The following NTM variants were observed in gnomAD, a reference collection of about 807,000 sequenced individuals.
NTM encodes neurotrimin, also known as IgLON family member 2.
NTM carries 13 observed loss-of-function variants against 42.1 expected under a neutral mutation model. The ratio of observed to expected loss-of-function variants is 0.31; its 90% CI spans 0.20 to 0.49. The LOEUF (loss-of-function observed/expected upper bound fraction) is 0.49, where lower values mean the gene tolerates loss of function less well. Among genes scored for constraint, NTM ranks in the 20% least tolerant of loss-of-function variants. The pLI is 0.99. For synonymous variants in NTM, 187 were observed against 179.2 expected, an observed-to-expected ratio of 1.04 and a Z score of -0.35; for missense variants, 373 against 452.8, an observed-to-expected ratio of 0.82 and a Z score of 1.60.
Position 132,146,493 on chromosome 11 carries a change from A to C in NTM, c.379A>C (p.Arg127=), listed in dbSNP as rs1240098699. ...GACAGACAACCACCCAAAGACCTCT[A>C]GGGTCCACCTCATTGTGCAAGGTAG... is the stretch of plus-strand genomic sequence containing the variant. ...VQTDNHPKTS[R]VHLIVQVSPK... Residue 127 remains arginine (R), a synonymous_variant, in exon 3 of 9, where the codon AGG becomes CGG. Coordinates refer to ENST00000683400, the MANE Select transcript of NTM (RefSeq NM_001352005.2). This position sits in a 1 kb window ranked among gnomAD's most constrained non-coding sequence, Gnocchi z 4.5. 1 of 1,614,030 alleles carries C rather than the reference A, an allele frequency of 6.2e-7. No homozygotes were observed. Among genetic ancestry groups the C allele is most frequent in the African/African-American group, 1.3e-5 (1 of 74,916 alleles).
intron 1 of NTM, among the ~76,000 whole-genome samples, chr11:131,844,729 G>A (rs908626278): frequency 1.3e-5 from 2 of 151,912 alleles, no homozygotes; most frequent in Non-Finnish European, 2.9e-5. Flanking sequence ...TATTTTTGTT[G>A]TTATTATAGT....
intron 2 of NTM, among the ~76,000 whole-genome samples, chr11:131,976,395 C>G (rs1051117667): frequency 1.3e-5 from 2 of 152,130 alleles, no homozygotes; most frequent in Admixed American, 6.5e-5. Flanking sequence ...TGTCACTTGA[C>G]TCTTCCTTCT....
At chr11:131,477,547 C>T (rs996848532) in intron 1 of NTM, among the ~76,000 whole-genome samples, 3 of 151,628 alleles carry the variant, frequency 2.0e-5, no homozygotes, top group African/African-American at 7.3e-5. Context: ...ACAGAGGATG[C>T]GCCCTCTGCT....
At chr11:131,752,300 A>G (rs968822364) in intron 1 of NTM, among the ~76,000 whole-genome samples, 2 of 152,244 alleles carry the variant, frequency 1.3e-5, no homozygotes, top group Non-Finnish European at 2.9e-5. Context: ...GCTCATCATC[A>G]CTGACCATCA....
intron 1 of NTM, among the ~76,000 whole-genome samples, chr11:131,710,939 G>A (rs982707998): frequency 2.0e-5 from 3 of 152,082 alleles, no homozygotes; most frequent in African/African-American, 7.2e-5. Flanking sequence ...CCCCACCAAG[G>A]AGTATTTCTG....
chr11:131,413,451 C>T (rs573762428), intron 1 of NTM, among the ~76,000 whole-genome samples: 2 of 152,188 alleles, frequency 1.3e-5, no homozygotes, highest in Admixed American at 6.5e-5. Context: ...AATGGCACGG[C>T]CCAACCTTCC....
At chr11:132,068,490 C>T (rs2056857931) in intron 2 of NTM, among the ~76,000 whole-genome samples, 2 of 152,214 alleles carry the variant, frequency 1.3e-5, no homozygotes, top group Non-Finnish European at 1.5e-5. Context: ...TGAGACCTCA[C>T]CAGAAGGGCT....
intron 4 of NTM, among the ~76,000 whole-genome samples, chr11:132,280,548 T>A (rs2093936454): frequency 6.8e-6 from 1 of 148,072 alleles, no homozygotes; most frequent in Non-Finnish European, 1.5e-5. Flanking sequence ...TGCAGTGGCA[T>A]GTTCTTGGCT....
rs80180124 is a variant in NTM, at chr11:132,147,249, G to A, written c.400+735G>A. On this transcript the variant is annotated intron_variant, in intron 3 of 8. Transcript: ENST00000683400. Reference sequence around the variant, plus strand: ...AGAGAGAGAGAGAGAGAATATGTGTGTTGGTTATGCTCTCTTAGACCCTGG... The same window carrying A: ...AGAGAGAGAGAGAGAGAATATGTGTATTGGTTATGCTCTCTTAGACCCTGG... 4.7e-3 allele frequency among the ~76,000 whole-genome samples: 710 copies of A among 151,488 alleles called. 9 individuals are homozygous for A. Among genetic ancestry groups the A allele is most frequent in the African/African-American group, 0.017 (680 of 41,172 alleles).
chr11:131,549,676 G>T (rs1355811617), intron 1 of NTM, among the ~76,000 whole-genome samples: 2 of 152,164 alleles, frequency 1.3e-5, no homozygotes, highest in Admixed American at 6.5e-5. Context: ...CATGTGTTCA[G>T]GTGTCTTCGA....
chr11:131,911,922 C>T (rs1402324613), intron 2 of NTM, among the ~76,000 whole-genome samples: 3 of 152,048 alleles, frequency 2.0e-5, no homozygotes, highest in African/African-American at 7.2e-5. Flanking sequence ...ACCAGGTGGT[C>T]GCCGAGATTG....
chr11:132,048,103 C>T (rs1012836858), intron 2 of NTM, among the ~76,000 whole-genome samples: 7 of 151,952 alleles, frequency 4.6e-5, no homozygotes, highest in Non-Finnish European at 8.8e-5. Flanking sequence ...AAAGAAGAGA[C>T]CATTCCTTTT....
intron 1 of NTM, among the ~76,000 whole-genome samples, chr11:131,500,579 T>TATATA (rs2046666194): frequency 1.5e-4 from 2 of 12,948 alleles, no homozygotes; most frequent in Non-Finnish European, 3.1e-4. Flanking sequence ...ATATATATAT[T>TATATA]TTTTTTTTTT....
chr11:132,200,727 C>T (rs1292571073), intron 3 of NTM, among the ~76,000 whole-genome samples: 1 of 152,120 alleles, frequency 6.6e-6, no homozygotes, highest in Admixed American at 6.5e-5. Flanking sequence ...GAGCCGAGAG[C>T]GGCGACCACC....
At chr11:131,477,872 C>G (rs1953119398) in intron 1 of NTM, among the ~76,000 whole-genome samples, 1 of 151,138 alleles carries the variant, frequency 6.6e-6, no homozygotes, top group Admixed American at 6.6e-5. Context: ...CTATCCTTAC[C>G]TACAACGTTT....
chr11:131,551,722 C>T (rs938089461), intron 1 of NTM, among the ~76,000 whole-genome samples: 2 of 152,180 alleles, frequency 1.3e-5, no homozygotes, highest in Non-Finnish European at 2.9e-5. Context: ...AGGATCGACA[C>T]ATGTTTTTGT....
intron 1 of NTM, among the ~76,000 whole-genome samples, chr11:131,506,064 G>C (rs572473722): frequency 2.0e-5 from 3 of 152,230 alleles, no homozygotes; most frequent in South Asian, 4.2e-4. Flanking sequence ...GTTAGGATGA[G>C]GGGGAGAGAG....
At chr11:131,995,175 G>A (rs551180923) in intron 2 of NTM, among the ~76,000 whole-genome samples, 212 of 152,262 alleles carry the variant, frequency 1.4e-3, no homozygotes, top group African/African-American at 5.0e-3. Flanking sequence ...GTAAGGATGG[G>A]TTATGATCTA....
intron 1 of NTM, among the ~76,000 whole-genome samples, chr11:131,557,055 C>CTTTTTTTTT (rs970811707): frequency 3.3e-5 from 5 of 151,944 alleles, no homozygotes; most frequent in African/African-American, 1.2e-4. Flanking sequence ...TGATTTGTAA[C>CTTTTTTTTT]TTTTTTTCTT....
Sources: gnomAD v4.1 joint callset for allele counts (sites outside exome capture counted in the v4.1 genomes callset) on GRCh38, gnomAD v4.1.1 for gene constraint, Gnocchi (gnomAD v3.1) non-coding constraint, MANE v1.5 for transcripts, NCBI Gene and HGNC (gene_info 2026-07-23, HGNC 2026-07-21) for gene names.